TENM4: variants seen among roughly 807,000 people sequenced by gnomAD.
The protein encoded by TENM4 is teneurin-4.
In TENM4, 82 loss-of-function variants were observed where a neutral mutation model predicts 243.3. The observed-to-expected ratio is 0.34, with a 90% confidence interval of 0.28 to 0.40. The LOEUF (loss-of-function observed/expected upper bound fraction) is 0.40. Ranked by LOEUF, TENM4 falls within the 10% of genes least tolerant of loss-of-function variation. TENM4 has a pLI of 1.00. For missense variants in TENM4, 3,138 were observed against 3,673.3 expected (o/e 0.85, Z 3.77); for synonymous variants, 1,412 against 1,456.3 (o/e 0.97, Z 0.69).
intron 3 of TENM4, among the ~76,000 whole-genome samples, chr11:79,170,305 CT>C (rs1434239880): frequency 6.6e-6 from 1 of 152,112 alleles, no homozygotes; most frequent in Non-Finnish European, 1.5e-5. Context: ...CAGCAGCTGC[CT>C]ATGATGCAAA....
intron 4 of TENM4, chr11:79,093,313 G>A (rs1415808382): frequency 6.6e-6 from 1 of 152,260 alleles, no homozygotes; most frequent in East Asian, 1.9e-4. Flanking sequence ...GAGCTTGGGA[G>A]GGCTTTTGCT....
chr11:79,188,608 C>G (rs767562786), intron 3 of TENM4, among the ~76,000 whole-genome samples: 1 of 147,822 alleles, frequency 6.8e-6, no homozygotes, highest in Non-Finnish European at 1.5e-5. Context: ...AGGAGAAAAG[C>G]AAAGAAGAAG....
chr11:78,661,048 C>T (rs1340560262), intron 33 of TENM4, among the ~76,000 whole-genome samples: 4 of 152,166 alleles, frequency 2.6e-5, no homozygotes, highest in African/African-American at 9.7e-5. Flanking sequence ...GAGAACAATA[C>T]GGCTGTGGGA....
intron 5 of TENM4, among the ~76,000 whole-genome samples, chr11:79,069,341 C>A (rs551984806): frequency 6.6e-6 from 1 of 152,240 alleles, no homozygotes; most frequent in East Asian, 1.9e-4. Context: ...CACTTAAAGG[C>A]CATCTCATTA....
intron 9 of TENM4, among the ~76,000 whole-genome samples, chr11:78,866,977 T>C (rs875315): frequency 0.016 from 2,454 of 152,198 alleles, 44 homozygotes; most frequent in African/African-American, 0.055. Context: ...TGTGGGCACA[T>C]AGAAGGTGTA....
intron 1 of TENM4, among the ~76,000 whole-genome samples, chr11:79,403,764 C>A (rs909302536): frequency 6.6e-6 from 1 of 152,104 alleles, no homozygotes; most frequent in Non-Finnish European, 1.5e-5. Flanking sequence ...TGGCATTCAG[C>A]ACTTCATGCA....
At chr11:78,684,009 G>A (rs1317622325) in intron 29 of TENM4, among the ~76,000 whole-genome samples, 1 of 152,158 alleles carries the variant, frequency 6.6e-6, no homozygotes, top group African/African-American at 2.4e-5. Flanking sequence ...CTGCTAAAAT[G>A]TCATCTCTTT....
intron 1 of TENM4, among the ~76,000 whole-genome samples, chr11:79,343,652 GT>G (rs894422285): frequency 6.7e-6 from 1 of 149,016 alleles, no homozygotes; most frequent in African/African-American, 2.5e-5. Flanking sequence ...GTGTAGCTAA[GT>G]TTAAAAAAAA....
chr11:79,333,002 G>A (rs1215937972), intron 1 of TENM4, among the ~76,000 whole-genome samples: 1 of 152,102 alleles, frequency 6.6e-6, no homozygotes, highest in African/African-American at 2.4e-5. Flanking sequence ...ATATAGCAGG[G>A]GAACAAGGTA....
At position 78,657,619 on chromosome 11, in the gene TENM4, C is replaced by T. The variant is rs1590915850; in HGVS notation, c.*439G>A. 2.9e-6 allele frequency: 1 copy of T among 348,090 alleles called. No homozygotes were observed. The highest frequency in any genetic ancestry group is 7.3e-5 in the East Asian group (1 of 13,664). The allele number at this position is 348,090 out of a possible 1,614,324, so 21.6% of individuals were successfully genotyped here. A position where few individuals can be genotyped will look rare whatever the true frequency, so the allele number is the denominator to read the frequency against. ...GGGGTGTTGTACTGGCCCATCACTC[C>T]CTTTACTCCTGCCCGACCCCAGTCG... On this transcript the variant is annotated 3_prime_UTR_variant, in exon 34 of 34. Transcript: ENST00000278550.
intron 16 of TENM4, among the ~76,000 whole-genome samples, chr11:78,781,683 C>T (rs144430956): frequency 1.0e-3 from 158 of 152,268 alleles, no homozygotes; most frequent in African/African-American, 1.5e-3. Flanking sequence ...CAGGGCAACT[C>T]GAACGGCTGC....
In TENM4 at chr11:79,194,879, C is replaced by T. The variant is rs188444556; in HGVS notation, c.-163+20929G>A. On this transcript the variant is annotated intron_variant, in intron 3 of 33. Coordinates refer to ENST00000278550, the MANE Select transcript of TENM4 (RefSeq NM_001098816.3). ...GACCATGGGAAAAATATCTCCAGGC[C>T]ATGTCAGAGACCTTCACAGCAGCCC... Among the ~76,000 whole-genome samples the T allele has an allele frequency of 3.0e-3, 452 of 152,288 alleles. 5 individuals are homozygous for T. Among genetic ancestry groups the T allele is most frequent in the South Asian group, 0.023 (110 of 4,824 alleles).
chr11:79,047,027 T>C (rs1859675425), intron 6 of TENM4, among the ~76,000 whole-genome samples: 1 of 152,206 alleles, frequency 6.6e-6, no homozygotes, highest in Admixed American at 6.5e-5. Flanking sequence ...AGGCCCTGAT[T>C]ACACAGAGAT....
At chr11:79,101,721 G>T (rs991366857) in intron 4 of TENM4, among the ~76,000 whole-genome samples, 4 of 152,138 alleles carry the variant, frequency 2.6e-5, no homozygotes, top group Non-Finnish European at 4.4e-5. Flanking sequence ...TGTAACTGTG[G>T]GACGACTATT....
chr11:79,404,942 C>G (rs925269162), intron 1 of TENM4, among the ~76,000 whole-genome samples: 6 of 152,226 alleles, frequency 3.9e-5, no homozygotes, highest in South Asian at 4.1e-4. Context: ...GTTCCTGAAC[C>G]TGTGGATATG....
intron 7 of TENM4, among the ~76,000 whole-genome samples, chr11:78,895,515 C>A (rs1003327589): frequency 7.2e-5 from 11 of 152,064 alleles, no homozygotes; most frequent in African/African-American, 2.7e-4. Flanking sequence ...AAAACCCAGG[C>A]ACCCTGACTT....
chr11:79,314,030 T>C (rs750797633), intron 1 of TENM4, among the ~76,000 whole-genome samples: 1 of 152,196 alleles, frequency 6.6e-6, no homozygotes, highest in Non-Finnish European at 1.5e-5. Context: ...GAGAATCTAA[T>C]GAGATAATCA....
chr11:78,782,630 G>A (rs917661883), intron 16 of TENM4, among the ~76,000 whole-genome samples: 1 of 152,106 alleles, frequency 6.6e-6, no homozygotes, highest in African/African-American at 2.4e-5. Context: ...AGCTGGTGTG[G>A]TGGTGCACAC....
At chr11:79,144,656 T>C (rs1862362264) in intron 4 of TENM4, among the ~76,000 whole-genome samples, 1 of 152,064 alleles carries the variant, frequency 6.6e-6, no homozygotes, top group South Asian at 2.1e-4. Flanking sequence ...GAGGATATTA[T>C]GTTAAGCAAA....
Sources: allele counts gnomAD v4.1 joint callset (sites outside exome capture counted in the v4.1 genomes callset), GRCh38; gene constraint gnomAD v4.1.1; transcripts MANE v1.5; gene names NCBI Gene and HGNC (gene_info 2026-07-23, HGNC 2026-07-21).